The following IKBIP variants were observed in gnomAD, a reference collection of about 807,000 sequenced individuals.
The protein encoded by IKBIP is IKBKB interacting protein, also known as inhibitor of nuclear factor kappa-B kinase-interacting protein.
In IKBIP, 28 loss-of-function variants were observed where a neutral mutation model predicts 31.0. That is an observed-to-expected ratio of 0.90 (90% CI 0.67 to 1.24). IKBIP has a LOEUF of 1.24. IKBIP is among the 50% of genes most tolerant of loss of function. IKBIP has a pLI of 0.00. For missense variants in IKBIP, 453 were observed against 441.9 expected, an observed-to-expected ratio of 1.03 and a Z score of -0.23; for synonymous variants, 164 against 160.3, an observed-to-expected ratio of 1.02 and a Z score of -0.17.
chr12:98,634,899 C>T (rs1450319204), intron 1 of IKBIP, among the ~76,000 whole-genome samples: 5 of 151,086 alleles, frequency 3.3e-5, no homozygotes, highest in East Asian at 2.0e-4. Flanking sequence ...TTAGTAAAGA[C>T]GGGGTTTCAC....
chr12:98,630,147 GCTGAGGCGGGTGGACCAC>G (rs2097618573), intron 2 of IKBIP, among the ~76,000 whole-genome samples: 1 of 152,008 alleles, frequency 6.6e-6, no homozygotes, highest in Non-Finnish European at 1.5e-5. Context: ...ACTTTGGGAG[GCTGAGGCGGGTGGACCAC>G]CTGAGGTCGG....
intron 2 of IKBIP, among the ~76,000 whole-genome samples, chr12:98,617,241 T>C (rs1005986013): frequency 6.6e-6 from 1 of 152,184 alleles, no homozygotes; most frequent in Non-Finnish European, 1.5e-5. Context: ...ATTTCCAAGG[T>C]TCTAAAATTC....
intron 2 of IKBIP, among the ~76,000 whole-genome samples, chr12:98,633,101 G>A (rs1565842538): frequency 6.6e-6 from 1 of 152,178 alleles, no homozygotes; most frequent in African/African-American, 2.4e-5. Context: ...TGGGGCTGCA[G>A]GGACTTAGAT....
At chr12:98,618,296 T>C (rs1259822181) in intron 2 of IKBIP, among the ~76,000 whole-genome samples, 1 of 152,158 alleles carries the variant, frequency 6.6e-6, no homozygotes, top group Non-Finnish European at 1.5e-5. Context: ...TAATTGTGTA[T>C]TTCTTCAATG....
chr12:98,621,617 T>C (rs1363961974), downstream of IKBIP, among the ~76,000 whole-genome samples: 2 of 152,220 alleles, frequency 1.3e-5, no homozygotes, highest in African/African-American at 2.4e-5. Flanking sequence ...CCTTGGCCTC[T>C]GGAATTGAAC....
At chr12:98,643,188 T>C (rs566146178) in intron 1 of IKBIP, among the ~76,000 whole-genome samples, 3 of 151,920 alleles carry the variant, frequency 2.0e-5, no homozygotes, top group East Asian at 3.9e-4. Context: ...CCTGACCTCA[T>C]GATCTGCCCA....
intron 2 of IKBIP, among the ~76,000 whole-genome samples, chr12:98,627,433 C>G (rs996824567): frequency 7.3e-5 from 9 of 124,064 alleles, no homozygotes; most frequent in African/African-American, 2.6e-4. Context: ...TGTCAGTTTT[C>G]TTTTTCTTTT....
At chr12:98,636,822 C>G (rs545020760) in intron 1 of IKBIP, among the ~76,000 whole-genome samples, 13 of 149,238 alleles carry the variant, frequency 8.7e-5, no homozygotes, top group Non-Finnish European at 1.6e-4. Context: ...TATTGGATAT[C>G]TAAGACCAGC....
chr12:98,644,586 C>T lies in IKBIP; in HGVS notation c.116G>A (p.Gly39Asp). Residue 39 changes from glycine to aspartate, a missense_variant, in exon 1 of 3, where the codon GGC becomes GAC. Coordinates refer to ENST00000299157, the MANE Select transcript of IKBIP (RefSeq NM_153687.4). ...TPVARSSGGG[G>D]WADPRTCLSL... ...CAGGCACGTTCGGGGGTCTGCCCAG[C>T]CCCCGCCTCCGCTGCTCCGGGCCAC... 1.9e-6 allele frequency: 3 copies of T among 1,609,468 alleles called. No individual in the cohort carries two copies. The highest frequency in any genetic ancestry group is 2.5e-6 in the Non-Finnish European group (3 of 1,178,470).
At chr12:98,634,930 C>T (rs940200473) in intron 1 of IKBIP, among the ~76,000 whole-genome samples, 19 of 151,468 alleles carry the variant, frequency 1.3e-4, no homozygotes, top group African/African-American at 3.6e-4. Context: ...AGGATGCTCT[C>T]GATCTCCTGA....
At chr12:98,643,429 A>T (rs893273543) in intron 1 of IKBIP, among the ~76,000 whole-genome samples, 8 of 152,182 alleles carry the variant, frequency 5.3e-5, no homozygotes, top group African/African-American at 1.9e-4. Context: ...TGAAAAATGG[A>T]GAAAAATTCT....
chr12:98,631,201 T>G (rs567455685), intron 2 of IKBIP, among the ~76,000 whole-genome samples: 1 of 151,890 alleles, frequency 6.6e-6, no homozygotes, highest in African/African-American at 2.4e-5. Flanking sequence ...CCCAAAGTGC[T>G]GGGATTACAG....
chr12:98,618,985 G>A (rs1011538839), intron 2 of IKBIP, among the ~76,000 whole-genome samples: 10 of 152,142 alleles, frequency 6.6e-5, no homozygotes, highest in East Asian at 1.9e-4. Flanking sequence ...CCCCCACTTC[G>A]CCCCATCATA....
downstream of IKBIP, among the ~76,000 whole-genome samples, chr12:98,622,634 T>A (rs2097611005): frequency 1.3e-5 from 2 of 151,952 alleles, no homozygotes; most frequent in South Asian, 4.1e-4. Context: ...TTTTTTTTTT[T>A]CTTATTGAGT....
intron 2 of IKBIP, among the ~76,000 whole-genome samples, chr12:98,632,512 A>AAAAAAATTATATATAT (rs1565842287): frequency 4.4e-5 from 1 of 22,792 alleles, no homozygotes; most frequent in African/African-American, 1.7e-4. Flanking sequence ...AAAAAAAAAA[A>AAAAAAATTATATATAT]ATATATATAT....
chr12:98,629,217 T>C (rs1398685981), intron 2 of IKBIP, among the ~76,000 whole-genome samples: 1 of 152,184 alleles, frequency 6.6e-6, no homozygotes, highest in Non-Finnish European at 1.5e-5. Flanking sequence ...GCAACAAGAA[T>C]GACTAACACC....
At chr12:98,627,230 A>G (rs576277135) in intron 2 of IKBIP, among the ~76,000 whole-genome samples, 1 of 151,828 alleles carries the variant, frequency 6.6e-6, no homozygotes, top group African/African-American at 2.4e-5. Context: ...CGGCCTCCCA[A>G]AGTACTAGAA....
downstream of IKBIP, among the ~76,000 whole-genome samples, chr12:98,623,579 T>G (rs961012138): frequency 7.1e-6 from 1 of 141,512 alleles, no homozygotes; most frequent in East Asian, 2.0e-4. Flanking sequence ...TTTTTTTTTT[T>G]TTTTTTGTAG....
intron 1 of IKBIP, among the ~76,000 whole-genome samples, chr12:98,642,131 C>T (rs1001792126): frequency 1.2e-4 from 18 of 152,286 alleles, no homozygotes; most frequent in African/African-American, 4.1e-4. Context: ...TAAAGCTTAT[C>T]CCAGGATAGT....
Sources: gnomAD v4.1 joint callset for allele counts (sites outside exome capture counted in the v4.1 genomes callset) on GRCh38, gnomAD v4.1.1 for gene constraint, MANE v1.5 for transcripts, NCBI Gene and HGNC (gene_info 2026-07-23, HGNC 2026-07-21) for gene names.